The following CFAP77 variants were observed in gnomAD, a reference collection of about 807,000 sequenced individuals.
CFAP77 encodes the protein cilia and flagella associated protein 77, also known as cilia- and flagella-associated protein 77.
In CFAP77, 25 loss-of-function variants were observed where a neutral mutation model predicts 31.1. The observed-to-expected ratio is 0.80, with a 90% CI of 0.59 to 1.12. The LOEUF (loss-of-function observed/expected upper bound fraction) is 1.12. Ranked by LOEUF, CFAP77 falls within the 50% of genes most tolerant of loss-of-function variation. The probability of loss-of-function intolerance (pLI) is 0.00; values close to 1 mark genes in which losing one functional copy is unlikely to be tolerated. For missense variants in CFAP77, 377 were observed against 397.3 expected, an observed-to-expected ratio of 0.95 and a Z score of 0.44; for synonymous variants, 151 against 159.9, an observed-to-expected ratio of 0.94 and a Z score of 0.42.
intron 5 of CFAP77, among the ~76,000 whole-genome samples, chr9:132,543,685 G>A (rs923431189): frequency 2.6e-5 from 4 of 152,136 alleles, no homozygotes; most frequent in Non-Finnish European, 5.9e-5. Flanking sequence ...GAGGAGAGAG[G>A]AGCAAAGGTC....
Position 132,569,880 on chromosome 9 carries a change from C to T in CFAP77, c.733-2508C>T, listed in dbSNP as rs565299099. Among the ~76,000 whole-genome samples, 12 of 152,122 alleles carry T rather than the reference C, an allele frequency of 7.9e-5. No individual in the cohort carries two copies. In the East Asian group the frequency reaches 1.7e-3, roughly 22 times the overall value. On this transcript the variant is annotated intron_variant, in intron 5 of 5. Transcript: ENST00000393216. ...CCCTCCCTGTAGCTGGGACTACAGGCACCCACCACCACACCCAGCTAATTT... is the reference window on the plus strand; with the variant it reads ...CCCTCCCTGTAGCTGGGACTACAGGTACCCACCACCACACCCAGCTAATTT...
chr9:132,555,155 A>C (rs947618760), intron 5 of CFAP77, among the ~76,000 whole-genome samples: 1 of 152,224 alleles, frequency 6.6e-6, no homozygotes, highest in Non-Finnish European at 1.5e-5. Flanking sequence ...CATCTTTGCT[A>C]TCTAGCTGAG....
In CFAP77 at chr9:132,572,814, A is replaced by C; in HGVS notation, c.*304A>C. 1.0e-5 allele frequency: 4 copies of C among 385,072 alleles called. No individual in the cohort carries two copies. Among genetic ancestry groups the C allele is most frequent in the East Asian group, 4.5e-5 (1 of 22,438 alleles). 23.9% of individuals were successfully genotyped at this position (385,072 alleles called of 1,614,324 possible). A position where few individuals can be genotyped will look rare whatever the true frequency, so the allele number is the denominator to read the frequency against. Reference sequence around the variant, plus strand: ...CCCTCACCTGCCAAGACAAGCCCAAATTACAAGACAATTTTTTAGACTCCA... The same window carrying C: ...CCCTCACCTGCCAAGACAAGCCCAACTTACAAGACAATTTTTTAGACTCCA... On this transcript the variant is annotated 3_prime_UTR_variant, in exon 6 of 6. Transcript: ENST00000393216.
chr9:132,443,619 G>A (rs116381925), intron 1 of CFAP77, among the ~76,000 whole-genome samples: 2,205 of 152,226 alleles, frequency 0.014, 66 homozygotes, highest in African/African-American at 0.05. Flanking sequence ...CTTGGTAAAC[G>A]GCCCTTCGTG....
chr9:132,468,069 G>A (rs1422981289), intron 1 of CFAP77, among the ~76,000 whole-genome samples: 1 of 152,098 alleles, frequency 6.6e-6, no homozygotes, highest in Non-Finnish European at 1.5e-5. Context: ...AGGGCCGGGT[G>A]TGGTGGCTCA....
chr9:132,561,640 C>T (rs1829809033), intron 5 of CFAP77, among the ~76,000 whole-genome samples: 1 of 120,312 alleles, frequency 8.3e-6, no homozygotes, highest in Admixed American at 7.7e-5. Flanking sequence ...CACACACACA[C>T]ACACACACAC....
chr9:132,454,963 C>A (rs1261744901), intron 1 of CFAP77, among the ~76,000 whole-genome samples: 1 of 152,078 alleles, frequency 6.6e-6, no homozygotes, highest in Non-Finnish European at 1.5e-5. Context: ...TTAGACCATC[C>A]CAGGATTACC....
At chr9:132,468,615 T>C (rs1851197520) in intron 1 of CFAP77, among the ~76,000 whole-genome samples, 2 of 152,202 alleles carry the variant, frequency 1.3e-5, no homozygotes, top group African/African-American at 4.8e-5. Flanking sequence ...CCCTGCATTT[T>C]CTAACAATTG....
At chr9:132,533,353 A>T (rs1852490822) in intron 3 of CFAP77, among the ~76,000 whole-genome samples, 1 of 152,148 alleles carries the variant, frequency 6.6e-6, no homozygotes, top group African/African-American at 2.4e-5. Context: ...GGCCAGTATC[A>T]CAAATTACCA....
At chr9:132,456,086 C>A (rs988418996) in intron 1 of CFAP77, among the ~76,000 whole-genome samples, 9 of 152,334 alleles carry the variant, frequency 5.9e-5, no homozygotes, top group Middle Eastern at 3.4e-3. Context: ...TTATGAAGCA[C>A]CTGCTGAGTG....
chr9:132,540,389 G>A (rs1450641005), intron 4 of CFAP77, among the ~76,000 whole-genome samples: 1 of 152,202 alleles, frequency 6.6e-6, no homozygotes, highest in African/African-American at 2.4e-5. Context: ...ATGTGTGGCT[G>A]AGTGAGTCTC....
At chr9:132,448,669 C>T (rs533096249) in intron 1 of CFAP77, among the ~76,000 whole-genome samples, 5 of 152,344 alleles carry the variant, frequency 3.3e-5, no homozygotes, top group African/African-American at 9.6e-5. Context: ...TCACTGCAAC[C>T]TCCACCTCCC....
intron 4 of CFAP77, among the ~76,000 whole-genome samples, chr9:132,538,109 C>T (rs983140869): frequency 6.6e-6 from 1 of 152,130 alleles, no homozygotes; most frequent in Non-Finnish European, 1.5e-5. Context: ...AGAGAAAAGG[C>T]CAATAAGGCA....
At chr9:132,538,854 A>G (rs1158029968) in intron 4 of CFAP77, among the ~76,000 whole-genome samples, 1 of 152,052 alleles carries the variant, frequency 6.6e-6, no homozygotes, top group East Asian at 1.9e-4. Context: ...TTGAGAGGCC[A>G]AGGCGGGCGG....
intron 1 of CFAP77, among the ~76,000 whole-genome samples, chr9:132,458,202 G>T (rs574818271): frequency 7.2e-5 from 11 of 152,328 alleles, no homozygotes; most frequent in Admixed American, 3.9e-4. Context: ...GAGGGACCCC[G>T]TTATCCCGGA....
At chr9:132,548,676 T>TG (rs200657523) in intron 5 of CFAP77, among the ~76,000 whole-genome samples, 5,816 of 122,194 alleles carry the variant, frequency 0.048, 409 homozygotes, top group African/African-American at 0.17. Context: ...ATCTGTTGGC[T>TG]GGCGGGGGGG....
chr9:132,458,717 G>A (rs537906911), intron 1 of CFAP77, among the ~76,000 whole-genome samples: 3 of 105,884 alleles, frequency 2.8e-5, no homozygotes. Context: ...TAGCACTTGC[G>A]GCTGGCAGGT....
At chr9:132,447,345 T>C (rs1264822779) in intron 1 of CFAP77, among the ~76,000 whole-genome samples, 1 of 152,186 alleles carries the variant, frequency 6.6e-6, no homozygotes, top group Non-Finnish European at 1.5e-5. Flanking sequence ...TTAATGATCA[T>C]TGTTGTGTTA....
rs1483701858 is a variant in CFAP77 at position 132,524,948 on chromosome 9, G to GACAC, written c.525-12650_525-12647dup. On this transcript the variant is annotated intron_variant, in intron 3 of 5. Coordinates refer to ENST00000393216, the MANE Select transcript of CFAP77 (RefSeq NM_001282957.2). Reference sequence around the variant, plus strand: ...CAGGCGTGAGCCACTGTACCCGGCCGACACACCCCATATTTATTTTTACCC... The same window carrying GACAC: ...CAGGCGTGAGCCACTGTACCCGGCCGACACACACACCCCATATTTATTTTTACCC... Among the ~76,000 whole-genome samples, 6 of 147,114 alleles carry GACAC rather than the reference G, an allele frequency of 4.1e-5. 1 individual carries two copies. Among genetic ancestry groups the GACAC allele is most frequent in the African/African-American group, 1.5e-4 (6 of 40,376 alleles).
Sources: allele counts gnomAD v4.1 joint callset (sites outside exome capture counted in the v4.1 genomes callset), GRCh38; gene constraint gnomAD v4.1.1; transcripts MANE v1.5; gene names NCBI Gene and HGNC (gene_info 2026-07-23, HGNC 2026-07-21).